PHACTR1: variants seen among roughly 807,000 people sequenced by gnomAD.
PHACTR1 encodes phosphatase and actin regulator 1.
A neutral mutation model predicts 69.2 loss-of-function variants in PHACTR1; 16 were observed. The observed-to-expected ratio is 0.23, with a 90% confidence interval of 0.16 to 0.35. PHACTR1 has a LOEUF of 0.35. Among genes scored for constraint, PHACTR1 ranks in the 10% least tolerant of loss-of-function variants. PHACTR1 has a pLI of 1.00. For missense variants in PHACTR1, 510 were observed against 734.7 expected, an observed-to-expected ratio of 0.69 and a Z score of 3.54; for synonymous variants, 312 against 284.5, an observed-to-expected ratio of 1.10 and a Z score of -0.97.
chr6:12,821,639 G>A (rs1189484422), intron 4 of PHACTR1, among the ~76,000 whole-genome samples: 1 of 151,986 alleles, frequency 6.6e-6, no homozygotes, highest in African/African-American at 2.4e-5. Context: ...TGAATGCAAG[G>A]GACTCACAGG....
chr6:12,937,381 C>T (rs1789574421), intron 4 of PHACTR1, among the ~76,000 whole-genome samples: 1 of 151,794 alleles, frequency 6.6e-6, no homozygotes, highest in Non-Finnish European at 1.5e-5. Context: ...CGGAGTTTCA[C>T]TTTTGTTGCC....
intron 4 of PHACTR1, among the ~76,000 whole-genome samples, chr6:12,983,651 CTCA>C (rs2127595833): frequency 6.6e-6 from 1 of 152,232 alleles, no homozygotes; most frequent in South Asian, 2.1e-4. Flanking sequence ...CACCCATTAA[CTCA>C]TCATTTACAT....
At chr6:13,215,394 A>G (rs1767514568) in intron 8 of PHACTR1, among the ~76,000 whole-genome samples, 1 of 152,234 alleles carries the variant, frequency 6.6e-6, no homozygotes, top group African/African-American at 2.4e-5. Context: ...ACTAAAAGCT[A>G]AAAGAGAGGA....
chr6:12,750,356 C>T (rs1186339501), intron 4 of PHACTR1, among the ~76,000 whole-genome samples: 1 of 152,090 alleles, frequency 6.6e-6, no homozygotes, highest in Non-Finnish European at 1.5e-5. Context: ...TGACTTGATG[C>T]TGTCCCTGGA....
At chr6:13,080,180 C>A (rs1012385863) in intron 5 of PHACTR1, among the ~76,000 whole-genome samples, 4 of 152,210 alleles carry the variant, frequency 2.6e-5, no homozygotes, top group Non-Finnish European at 5.9e-5. Flanking sequence ...CCCTCCTTTC[C>A]ACCTGACCCC....
At chr6:13,197,543 T>C (rs993102519) in intron 7 of PHACTR1, among the ~76,000 whole-genome samples, 4 of 151,992 alleles carry the variant, frequency 2.6e-5, no homozygotes, top group Non-Finnish European at 5.9e-5. Context: ...TGAGTTCCTT[T>C]TTTTTTTATT....
chr6:12,806,639 T>TC (rs2127686988), intron 4 of PHACTR1, among the ~76,000 whole-genome samples: 1 of 152,312 alleles, frequency 6.6e-6, no homozygotes, highest in East Asian at 1.9e-4. Context: ...TTAAAACCTT[T>TC]TTTTTTAGAG....
intron 4 of PHACTR1, among the ~76,000 whole-genome samples, chr6:12,911,323 A>G (rs1213376216): frequency 1.3e-5 from 2 of 152,226 alleles, no homozygotes; most frequent in Non-Finnish European, 2.9e-5. Flanking sequence ...TTCAGAAATC[A>G]ACATTGGGGT....
At chr6:12,844,327 G>A (rs1778987437) in intron 4 of PHACTR1, among the ~76,000 whole-genome samples, 1 of 152,118 alleles carries the variant, frequency 6.6e-6, no homozygotes, top group South Asian at 2.1e-4. Flanking sequence ...AGCCCAGGAA[G>A]TTGAGACTGC....
chr6:12,766,369 G>A (rs1768612648), intron 4 of PHACTR1, among the ~76,000 whole-genome samples: 1 of 152,192 alleles, frequency 6.6e-6, no homozygotes, highest in Non-Finnish European at 1.5e-5. Flanking sequence ...AACACATCTT[G>A]CAGGTGAGGA....
chr6:12,820,903 A>G lies in PHACTR1; in HGVS notation c.250+71113A>G, dbSNP rs142021439. 3.6e-3 allele frequency among the ~76,000 whole-genome samples: 551 copies of G among 152,314 alleles called. 2 individuals carry two copies. Among genetic ancestry groups the G allele is most frequent in the African/African-American group, 0.013 (534 of 41,566 alleles). On this transcript the variant is annotated intron_variant, in intron 4 of 14. Coordinates refer to ENST00000332995, the MANE Select transcript of PHACTR1 (RefSeq NM_030948.6). ...AACCGAGCCCTCCAGGAAAGGAAAA[A>G]ATAGACAAAAAGAAACCTGCCCTAT...
chr6:12,764,291 G>A (rs1352350237), intron 4 of PHACTR1, among the ~76,000 whole-genome samples: 1 of 152,196 alleles, frequency 6.6e-6, no homozygotes. Context: ...CTATTACTGT[G>A]TATTAAGGCT....
intron 4 of PHACTR1, among the ~76,000 whole-genome samples, chr6:12,750,957 T>C (rs1193360656): frequency 1.3e-5 from 2 of 150,944 alleles, no homozygotes; most frequent in Admixed American, 1.3e-4. Flanking sequence ...CTCTTGGAAA[T>C]GGGACTAAAT....
chr6:13,247,867 T>A (rs1441626747), intron 10 of PHACTR1, among the ~76,000 whole-genome samples: 1 of 146,568 alleles, frequency 6.8e-6, no homozygotes, highest in Non-Finnish European at 1.5e-5. Context: ...CCTGCCTCTT[T>A]AAAAAAAAAC....
intron 4 of PHACTR1, among the ~76,000 whole-genome samples, chr6:12,784,447 T>C (rs1454924919): frequency 6.6e-6 from 1 of 151,822 alleles, no homozygotes; most frequent in Non-Finnish European, 1.5e-5. Flanking sequence ...CACATATCTA[T>C]ACACATATAC....
At chr6:12,938,846 T>C (rs920652048) in intron 4 of PHACTR1, among the ~76,000 whole-genome samples, 5 of 152,170 alleles carry the variant, frequency 3.3e-5, no homozygotes, top group African/African-American at 1.2e-4. Context: ...TCACTTGGCC[T>C]AATTATTTTC....
chr6:12,733,968 A>T (rs1026867947), intron 3 of PHACTR1, among the ~76,000 whole-genome samples: 1 of 152,192 alleles, frequency 6.6e-6, no homozygotes, highest in African/African-American at 2.4e-5. Context: ...AAATAATAGA[A>T]ATCTGCTTGG....
intron 4 of PHACTR1, among the ~76,000 whole-genome samples, chr6:12,860,248 G>C (rs966365742): frequency 1.3e-5 from 2 of 152,106 alleles, no homozygotes; most frequent in South Asian, 4.2e-4. Flanking sequence ...TTTATGTGGT[G>C]TTTCGTTTTC....
intron 4 of PHACTR1, among the ~76,000 whole-genome samples, chr6:13,047,017 G>A (rs1049951360): frequency 1.4e-4 from 22 of 152,082 alleles, no homozygotes; most frequent in African/African-American, 5.1e-4. Flanking sequence ...GAAAGTGACA[G>A]TACATTTATA....
Sources: allele counts gnomAD v4.1 joint callset (sites outside exome capture counted in the v4.1 genomes callset), GRCh38; gene constraint gnomAD v4.1.1; transcripts MANE v1.5; gene names NCBI Gene and HGNC (gene_info 2026-07-23, HGNC 2026-07-21).